The following TOR3A variants were observed in gnomAD, a reference collection of about 807,000 sequenced individuals.
TOR3A encodes torsin family 3 member A.
A neutral mutation model predicts 42.1 loss-of-function variants in TOR3A; 44 were observed. The ratio of observed to expected loss-of-function variants is 1.04; its 90% confidence interval spans 0.82 to 1.34. TOR3A has a LOEUF of 1.34. TOR3A is among the 40% of genes most tolerant of loss of function. The pLI, the probability that TOR3A is intolerant of heterozygous loss-of-function variation, is 0.00. For missense variants in TOR3A, 521 were observed against 507.6 expected, an observed-to-expected ratio of 1.03 and a Z score of -0.25; for synonymous variants, 227 against 213.2, an observed-to-expected ratio of 1.06 and a Z score of -0.57.
At chr1:179,082,849 T>C in intron 1 of TOR3A, 91 bp from the exon 2 acceptor site, 1 of 864,100 alleles carries the variant, frequency 1.2e-6, no homozygotes, top group Admixed American at 2.0e-5. Context: ...TGGGTGTCCC[T>C]CTGTCCCTGA....
rs1187296175 is a variant in TOR3A, at chr1:179,082,193, A to G, written c.65A>G (p.Glu22Gly). Reference protein sequence around the residue: ...FFLLLLPGAPEPRGASRPWEG... With the variant: ...FFLLLLPGAPGPRGASRPWEG... ...CTGCTGCTGCTCCCGGGCGCGCCTG[A>G]GCCCCGCGGCGCCTCCAGGCCGTGG... The change falls in exon 1 of 6, where the codon GAG (glutamate) becomes GGG (glycine). Residue 22 changes from glutamate to glycine, a missense_variant. Physicochemically the swap from Glu to Gly is moderately conservative, Grantham distance 98. Coordinates refer to ENST00000367627, the MANE Select transcript of TOR3A (RefSeq NM_022371.4). The G allele has an allele frequency of 6.6e-7, 1 of 1,504,766 alleles. No homozygotes were observed. The highest frequency in any genetic ancestry group is 8.8e-7 in the Non-Finnish European group (1 of 1,135,670). The allele number at this position is 1,504,766 out of a possible 1,614,324, so 93.2% of individuals were successfully genotyped here.
At chr1:179,083,855 A>G (rs998889254) in intron 2 of TOR3A, among the ~76,000 whole-genome samples, 1 of 152,086 alleles carries the variant, frequency 6.6e-6, no homozygotes, top group Non-Finnish European at 1.5e-5. Flanking sequence ...CCCAGGAGCA[A>G]TTTCTTGCCC....
chr1:179,082,102 G>T lies in TOR3A; in HGVS notation c.-27G>T, dbSNP rs775707480. On this transcript the variant is annotated 5_prime_UTR_variant, in exon 1 of 6. Transcript: ENST00000367627. ...AGGGAGCCTGGCTAGGCCGGCAGCC[G>T]GATGGTCCCGCAGCTCGGGGCCGGC... is the stretch of plus-strand genomic sequence containing the variant. 1 of 1,443,986 alleles carries T rather than the reference G, an allele frequency of 6.9e-7. No individual in the cohort carries two copies. The highest frequency in any genetic ancestry group is 9.0e-7 in the Non-Finnish European group (1 of 1,111,420). The allele number at this position is 1,443,986 out of a possible 1,614,324, so 89.4% of individuals were successfully genotyped here. A position where few individuals can be genotyped will look rare whatever the true frequency, so the allele number is the denominator to read the frequency against.
intron 2 of TOR3A, 184 bp from the exon 3 acceptor site, chr1:179,085,444 G>C: frequency 1.6e-6 from 1 of 637,390 alleles, no homozygotes; most frequent in South Asian, 2.0e-5. Context: ...AAAAAAGAAA[G>C]TAGTCCTTGA....
At chr1:179,086,987 G>A (rs933614614) in intron 3 of TOR3A, among the ~76,000 whole-genome samples, 23 of 152,188 alleles carry the variant, frequency 1.5e-4, no homozygotes, top group African/African-American at 5.6e-4. Context: ...GCAGGGGCAG[G>A]CTGAGCTGGG....
chr1:179,091,300 G>T (rs1011048360), intron 4 of TOR3A, among the ~76,000 whole-genome samples: 4 of 152,198 alleles, frequency 2.6e-5, no homozygotes, highest in African/African-American at 9.7e-5. Context: ...CAGGTCAGCA[G>T]ATGAGCTGGG....
At chr1:179,090,267 C>A (rs1274413392) in intron 4 of TOR3A, among the ~76,000 whole-genome samples, 1 of 152,218 alleles carries the variant, frequency 6.6e-6, no homozygotes, top group African/African-American at 2.4e-5. Flanking sequence ...TGTGCCCAGC[C>A]TTTACGAGCC....
chr1:179,087,824 T>C, intron 3 of TOR3A, 87 bp from the exon 4 acceptor site: 13 of 1,339,806 alleles, frequency 9.7e-6, no homozygotes, highest in African/African-American at 1.5e-5. Context: ...AGGGGGTCCA[T>C]TGCACATGCC....
At chr1:179,082,572 C>A in intron 1 of TOR3A, 185 bp downstream of exon 1, 1 of 891,102 alleles carries the variant, frequency 1.1e-6, no homozygotes, top group Non-Finnish European at 1.7e-6. Flanking sequence ...ACCGCCCTTG[C>A]CCCACCCGCG....
intron 4 of TOR3A, among the ~76,000 whole-genome samples, chr1:179,093,207 T>G (rs1572577459): frequency 6.6e-6 from 1 of 152,166 alleles, no homozygotes; most frequent in East Asian, 1.9e-4. Flanking sequence ...TCCCTGCTGG[T>G]GGCTCTACGG....
rs1044226162 is a variant in TOR3A at position 179,095,965 on chromosome 1, T to C, written c.*747T>C. Reference sequence around the variant, plus strand: ...TTGACATGTTTGTTGTATGTAAAGATGATAAGATTAAAATTTTTGATTTTC... The same window carrying C: ...TTGACATGTTTGTTGTATGTAAAGACGATAAGATTAAAATTTTTGATTTTC... On this transcript the variant is annotated 3_prime_UTR_variant, in exon 6 of 6. Transcript: ENST00000367627. The C allele has an allele frequency of 1.0e-5, 10 of 985,132 alleles. No individual in the cohort carries two copies. Among genetic ancestry groups the C allele is most frequent in the African/African-American group, 8.7e-5 (5 of 57,180 alleles). The allele number at this position is 985,132 out of a possible 1,614,324, so 61.0% of individuals were successfully genotyped here.
rs1652731020 is a variant in TOR3A, at chr1:179,095,930, A to G, written c.*712A>G. ...GGGAGGGGGGACCTTTTCAAAGACA[A>G]TAGGGGGTCTTGACATGTTTGTTGT... On this transcript the variant is annotated 3_prime_UTR_variant, in exon 6 of 6. Transcript: ENST00000367627. The G allele has an allele frequency of 1.0e-6, 1 of 981,768 alleles. No homozygotes were observed. 60.8% of individuals were successfully genotyped at this position (981,768 alleles called of 1,614,324 possible).
intron 4 of TOR3A, among the ~76,000 whole-genome samples, chr1:179,090,103 G>A (rs930591138): frequency 2.9e-5 from 4 of 139,146 alleles, no homozygotes; most frequent in Admixed American, 2.8e-4. Context: ...ATGTGGTTGT[G>A]GGCGGGGTGG....
chr1:179,090,200 T>G (rs1652544330), intron 4 of TOR3A, among the ~76,000 whole-genome samples: 1 of 151,128 alleles, frequency 6.6e-6, no homozygotes, highest in African/African-American at 2.5e-5. Flanking sequence ...TTGACAAGGA[T>G]GTAAAGGACA....
intron 3 of TOR3A, 53 bp downstream of exon 3, chr1:179,085,946 C>CT: frequency 6.3e-7 from 1 of 1,579,260 alleles, no homozygotes; most frequent in Admixed American, 1.7e-5. Context: ...GGAGACCCTT[C>CT]TGCCAGCCCT....
Position 179,095,452 on chromosome 1 carries a change from A to C in TOR3A, c.*234A>C, listed in dbSNP as rs1418892259. ...GATAGATAGGAACTTGGATTGCTGA[A>C]TTCAAAAACAGAGCCCATTCTTAAG... On this transcript the variant is annotated 3_prime_UTR_variant, in exon 6 of 6. Transcript: ENST00000367627. 7.2e-7 allele frequency: 1 copy of C among 1,380,312 alleles called. No homozygotes were observed. The highest frequency in any genetic ancestry group is 9.3e-7 in the Non-Finnish European group (1 of 1,070,252). 85.5% of individuals were successfully genotyped at this position (1,380,312 alleles called of 1,614,324 possible).
intron 3 of TOR3A, 33 bp downstream of exon 3, chr1:179,085,926 G>C (rs1557887183): frequency 6.3e-7 from 1 of 1,599,774 alleles, no homozygotes; most frequent in East Asian, 2.2e-5. Context: ...TGAGGCCTCT[G>C]TGCTGGGAGG....
chr1:179,094,306 A>G, intron 5 of TOR3A, 89 bp downstream of exon 5: 2 of 1,500,472 alleles, frequency 1.3e-6, no homozygotes, highest in East Asian at 2.3e-5. Context: ...TGAAGCAGAC[A>G]GGGTACTTGG....
chr1:179,092,200 A>G (rs1476840775), intron 4 of TOR3A, among the ~76,000 whole-genome samples: 1 of 152,160 alleles, frequency 6.6e-6, no homozygotes, highest in Non-Finnish European at 1.5e-5. Flanking sequence ...GCAGGGAGGG[A>G]GAGAACCACA....
Sources: gnomAD v4.1 joint callset for allele counts (sites outside exome capture counted in the v4.1 genomes callset) on GRCh38, gnomAD v4.1.1 for gene constraint, MANE v1.5 for transcripts, NCBI Gene and HGNC (gene_info 2026-07-23, HGNC 2026-07-21) for gene names.